The following CEP128 variants were observed in gnomAD, a reference collection of about 807,000 sequenced individuals.
CEP128 encodes centrosomal protein 128kDa.
CEP128 carries 132 observed loss-of-function variants against 156.7 expected under a neutral mutation model. That is an observed-to-expected ratio of 0.84 (90% confidence interval 0.73 to 0.97). The LOEUF is 0.97. Among genes scored for constraint, CEP128 ranks in the 50% least tolerant of loss-of-function variants. The pLI, the probability that CEP128 is intolerant of heterozygous loss-of-function variation, is 0.00. For synonymous variants in CEP128, 469 were observed against 448.9 expected (o/e 1.04, Z -0.57); for missense variants, 1,252 against 1,281.9 (o/e 0.98, Z 0.36).
intron 19 of CEP128, among the ~76,000 whole-genome samples, chr14:80,611,648 CTTAAAT>C (rs1405188113): frequency 6.6e-5 from 10 of 152,156 alleles, no homozygotes; most frequent in African/African-American, 2.2e-4. Flanking sequence ...CAGAGATCTT[CTTAAAT>C]TTAAATCAGT....
At chr14:80,664,833 C>T (rs1895546540) in intron 19 of CEP128, among the ~76,000 whole-genome samples, 1 of 152,176 alleles carries the variant, frequency 6.6e-6, no homozygotes, top group South Asian at 2.1e-4. Flanking sequence ...GCAAACACTT[C>T]TGCCAGAAGC....
chr14:80,857,459 G>A (rs1362736253), intron 9 of CEP128, among the ~76,000 whole-genome samples: 1 of 151,950 alleles, frequency 6.6e-6, no homozygotes, highest in African/African-American at 2.4e-5. Context: ...TAGGTCGGGC[G>A]TGGTGGCTCC....
chr14:80,798,689 G>A (rs973701202), intron 13 of CEP128, among the ~76,000 whole-genome samples: 3 of 152,188 alleles, frequency 2.0e-5, no homozygotes, highest in African/African-American at 7.2e-5. Context: ...GTTCTCAAAT[G>A]CCAGAAAAGA....
At chr14:80,914,211 T>A in intron 4 of CEP128, 111 bp downstream of exon 4, 1 of 724,544 alleles carries the variant, frequency 1.4e-6, no homozygotes, top group Non-Finnish European at 2.4e-6. Flanking sequence ...CAGTTTAAAA[T>A]CTAAAGCACT....
At chr14:80,646,091 C>T (rs1035866647) in intron 19 of CEP128, among the ~76,000 whole-genome samples, 2 of 152,068 alleles carry the variant, frequency 1.3e-5, no homozygotes, top group African/African-American at 2.4e-5. Context: ...ATTTTTAGGG[C>T]AGTGAAACTA....
At chr14:80,676,968 C>G (rs1566850166) in intron 19 of CEP128, among the ~76,000 whole-genome samples, 1 of 151,966 alleles carries the variant, frequency 6.6e-6, no homozygotes, top group Non-Finnish European at 1.5e-5. Context: ...TTCTTGTACT[C>G]CTTTTCTGAT....
At chr14:80,618,769 T>A (rs1893338029) in intron 19 of CEP128, among the ~76,000 whole-genome samples, 1 of 152,194 alleles carries the variant, frequency 6.6e-6, no homozygotes, top group African/African-American at 2.4e-5. Context: ...GTACCCAAAC[T>A]TTAGCAACCA....
intron 18 of CEP128, among the ~76,000 whole-genome samples, chr14:80,755,024 G>A (rs773956329): frequency 1.9e-4 from 29 of 152,128 alleles, no homozygotes; most frequent in Non-Finnish European, 4.0e-4. Flanking sequence ...GTTTCCAAAG[G>A]AGATTAACAT....
chr14:80,806,731 G>C (rs947108842), intron 13 of CEP128, among the ~76,000 whole-genome samples: 3 of 152,104 alleles, frequency 2.0e-5, no homozygotes, highest in Non-Finnish European at 2.9e-5. Flanking sequence ...ATCAATAAAA[G>C]ACATACACCT....
chr14:80,673,544 G>A, intron 19 of CEP128, among the ~76,000 whole-genome samples: 1 of 141,922 alleles, frequency 7.0e-6, no homozygotes, highest in Non-Finnish European at 1.5e-5. Flanking sequence ...TACTTGGGAG[G>A]CTGAGGCAGG....
chr14:80,486,603 T>C (rs1033249234), downstream of CEP128, among the ~76,000 whole-genome samples: 1 of 152,122 alleles, frequency 6.6e-6, no homozygotes, highest in Admixed American at 6.5e-5. Flanking sequence ...GAAAAAATGT[T>C]AAGGGCAGCC....
At chr14:80,781,329 C>T (rs1901097190) in intron 15 of CEP128, among the ~76,000 whole-genome samples, 1 of 151,864 alleles carries the variant, frequency 6.6e-6, no homozygotes, top group Admixed American at 6.6e-5. Context: ...TGGTGGTGCG[C>T]ACCTGTAGTC....
Position 80,836,258 on chromosome 14 carries a change from T to C in CEP128, c.1004A>G (p.Lys335Arg), listed in dbSNP as rs370852642. The C allele has an allele frequency of 1.5e-5, 25 of 1,614,104 alleles. No individual in the cohort carries two copies. In the East Asian group the frequency reaches 2.2e-4, roughly 14 times the overall value. ...GLQHQVSQIS[K>R]QQSNYQDEQG... Reference sequence around the variant, plus strand: ...TTCATCCTGATAGTTTGACTGTTGCTTGGAAATCTGAGATACTTGATGCTG... The same window carrying C: ...TTCATCCTGATAGTTTGACTGTTGCCTGGAAATCTGAGATACTTGATGCTG... Residue 335 changes from lysine (K) to arginine (R), a missense_variant, in exon 12 of 25, where the codon AAG (lysine) becomes AGG (arginine). Transcript: ENST00000555265.
chr14:80,604,312 T>C (rs1892694599), intron 19 of CEP128, among the ~76,000 whole-genome samples: 1 of 152,192 alleles, frequency 6.6e-6, no homozygotes, highest in Non-Finnish European at 1.5e-5. Flanking sequence ...TCAAGTATTC[T>C]AGGGATATGC....
intron 10 of CEP128, 71 bp from the exon 11 acceptor site, chr14:80,838,349 G>A (rs886094097): frequency 9.2e-7 from 1 of 1,092,272 alleles, no homozygotes; most frequent in Non-Finnish European, 1.4e-6. Flanking sequence ...TATGGGCACA[G>A]TTTAAAAGGA....
At position 80,913,001 on chromosome 14, in the gene CEP128, C is replaced by T. The variant is rs562138496; in HGVS notation, c.234+1321G>A. Among the ~76,000 whole-genome samples, 12 of 151,972 alleles carry T rather than the reference C, an allele frequency of 7.9e-5. No individual in the cohort carries two copies. In the South Asian group the frequency reaches 2.3e-3, roughly 29 times the overall value. On this transcript the variant is annotated intron_variant, in intron 4 of 24. Coordinates refer to ENST00000555265, the MANE Select transcript of CEP128 (RefSeq NM_152446.5). The stretch of plus-strand genomic sequence containing the variant: ...TTTACAGGACAGGAGTAAGCAATTC[C>T]AAAGGAAAGAAAAGTAGAAGATAGA...
At chr14:80,715,352 T>C (rs1014991603) in intron 19 of CEP128, among the ~76,000 whole-genome samples, 18 of 152,162 alleles carry the variant, frequency 1.2e-4, no homozygotes, top group Admixed American at 1.3e-4. Flanking sequence ...GAAAAATATA[T>C]AAAATCCTAT....
chr14:80,666,765 C>A (rs1188343985), intron 19 of CEP128, among the ~76,000 whole-genome samples: 1 of 147,176 alleles, frequency 6.8e-6, no homozygotes, highest in Non-Finnish European at 1.5e-5. Flanking sequence ...AACAATAAAC[C>A]ATGAGTCCAA....
chr14:80,886,055 T>C (rs1888782960), intron 8 of CEP128, among the ~76,000 whole-genome samples: 1 of 151,526 alleles, frequency 6.6e-6, no homozygotes. Context: ...CTAAATAAAA[T>C]AAAGCATGAA....
Sources: gnomAD v4.1 joint callset for allele counts (sites outside exome capture counted in the v4.1 genomes callset) on GRCh38, gnomAD v4.1.1 for gene constraint, MANE v1.5 for transcripts, NCBI Gene and HGNC (gene_info 2026-07-23, HGNC 2026-07-21) for gene names.